Variants in DCDC2C observed in about 807,000 individuals in gnomAD.
DCDC2C encodes doublecortin domain-containing protein 2C.
DCDC2C carries 44 observed loss-of-function variants against 45.0 expected under a neutral mutation model. The ratio of observed to expected loss-of-function variants is 0.98; its 90% CI spans 0.77 to 1.26. DCDC2C has a LOEUF of 1.26. Ranked by LOEUF, DCDC2C falls within the 50% of genes most tolerant of loss-of-function variation. DCDC2C has a pLI of 0.00. For missense variants in DCDC2C, 447 were observed against 468.9 expected (o/e 0.95, Z 0.43); for synonymous variants, 187 against 178.8 (o/e 1.05, Z -0.37).
intron 6 of DCDC2C, among the ~76,000 whole-genome samples, chr2:3,755,587 A>T (rs187839612): frequency 6.6e-6 from 1 of 151,916 alleles, no homozygotes; most frequent in Admixed American, 6.5e-5. Context: ...GTACATATGG[A>T]TGTATATGTG....
At chr2:3,705,388 T>C (rs1668040447) in intron 1 of DCDC2C, among the ~76,000 whole-genome samples, 1 of 152,218 alleles carries the variant, frequency 6.6e-6, no homozygotes, top group Non-Finnish European at 1.5e-5. Flanking sequence ...AGCCATGTGA[T>C]TTGTGATTAT....
chr2:3,798,774 C>T (rs2148199065), intron 10 of DCDC2C, among the ~76,000 whole-genome samples: 1 of 152,136 alleles, frequency 6.6e-6, no homozygotes, highest in African/African-American at 2.4e-5. Context: ...TTGAGGGTAA[C>T]CCGACCTTTC....
chr2:3,746,294 G>A (rs77393840), intron 4 of DCDC2C, among the ~76,000 whole-genome samples: 7,799 of 152,252 alleles, frequency 0.051, 219 homozygotes, highest in East Asian at 0.087. Flanking sequence ...CGGAGGAGCT[G>A]GGGCAGGAGG....
Position 3,847,778 on chromosome 2 carries a change from C to CCCCCTTGCTGTTCTCGTGATT in DCDC2C, c.*615_*616insTCCCCTTGCTGTTCTCGTGAT. Among the ~76,000 whole-genome samples, 1 of 152,082 alleles carries CCCCCTTGCTGTTCTCGTGATT rather than the reference C, an allele frequency of 6.6e-6. No individual in the cohort carries two copies. Among genetic ancestry groups the CCCCCTTGCTGTTCTCGTGATT allele is most frequent in the Non-Finnish European group, 1.5e-5 (1 of 68,018 alleles). On this transcript the variant is annotated 3_prime_UTR_variant, in exon 11 of 11. Coordinates refer to ENST00000399143, the MANE Select transcript of DCDC2C (RefSeq NM_001287444.2). ...GTGATTGAATCATGGGGGTGGTCTT[C>CCCCCTTGCTGTTCTCGTGATT]CCCCTTGCTGTTCTCGTGATAGTGA... is the stretch of plus-strand genomic sequence containing the variant.
chr2:3,824,923 G>C (rs964795657), intron 10 of DCDC2C, among the ~76,000 whole-genome samples: 5 of 152,148 alleles, frequency 3.3e-5, no homozygotes, highest in Admixed American at 3.3e-4. Context: ...TCTGGACCCA[G>C]AATGATTTCT....
intron 6 of DCDC2C, among the ~76,000 whole-genome samples, chr2:3,757,521 A>G (rs1339214170): frequency 1.3e-5 from 2 of 152,238 alleles, no homozygotes; most frequent in Admixed American, 6.5e-5. Flanking sequence ...CAATGAACAT[A>G]TCACAAACAT....
chr2:3,754,125 C>G (rs1339650177), intron 5 of DCDC2C, among the ~76,000 whole-genome samples: 1 of 152,120 alleles, frequency 6.6e-6, no homozygotes, highest in South Asian at 2.1e-4. Flanking sequence ...TTCCCCTTGC[C>G]GAAGTTGTTG....
At chr2:3,708,474 C>T (rs765766280) in intron 1 of DCDC2C, 75 bp from the exon 2 acceptor site, 28 of 1,185,340 alleles carry the variant, frequency 2.4e-5, no homozygotes, top group African/African-American at 3.1e-5. Flanking sequence ...GAAAAGGACT[C>T]GTTTCTAAGG....
chr2:3,725,524 A>AGAG (rs1668633063), intron 2 of DCDC2C, among the ~76,000 whole-genome samples: 1 of 78,736 alleles, frequency 1.3e-5, no homozygotes. Flanking sequence ...TGGATCCCAG[A>AGAG]GGAAGACGAG....
intron 10 of DCDC2C, among the ~76,000 whole-genome samples, chr2:3,791,180 G>A (rs1437243765): frequency 6.6e-6 from 1 of 152,150 alleles, no homozygotes; most frequent in African/African-American, 2.4e-5. Flanking sequence ...GATTCATTTG[G>A]ACTCAAATAA....
chr2:3,792,985 G>A (rs1051998786), intron 10 of DCDC2C, among the ~76,000 whole-genome samples: 7 of 152,122 alleles, frequency 4.6e-5, no homozygotes, highest in South Asian at 4.1e-4. Flanking sequence ...ACTGAGATTC[G>A]CCGTTCAGAG....
rs1317413096 is a variant in DCDC2C at position 3,761,949 on chromosome 2, G to A, written c.727-5805G>A. Among the ~76,000 whole-genome samples, 2 of 152,160 alleles carry A rather than the reference G, an allele frequency of 1.3e-5. No homozygotes were observed. Among genetic ancestry groups the A allele is most frequent in the South Asian group, 2.1e-4 (1 of 4,834 alleles). On this transcript the variant is annotated intron_variant, in intron 6 of 10. Coordinates refer to ENST00000399143, the MANE Select transcript of DCDC2C (RefSeq NM_001287444.2). The surrounding 1 kb of genome is among the most constrained non-coding windows in gnomAD (Gnocchi z 4.3). ...CTGCAGAGAAATAAAACCAACATAC[G>A]TGAGGTTCATTTTCTGAAAACATTT... is the stretch of plus-strand genomic sequence containing the variant.
At chr2:3,826,096 G>A (rs963792918) in intron 10 of DCDC2C, among the ~76,000 whole-genome samples, 1 of 152,178 alleles carries the variant, frequency 6.6e-6, no homozygotes, top group African/African-American at 2.4e-5. Context: ...TATATATTCT[G>A]TAATAACCCA....
At chr2:3,723,961 C>T (rs1415521179) in intron 2 of DCDC2C, among the ~76,000 whole-genome samples, 1 of 145,674 alleles carries the variant, frequency 6.9e-6, no homozygotes, top group Non-Finnish European at 1.5e-5. Flanking sequence ...CTCTGTCTCT[C>T]TGTGTGTTTC....
chr2:3,722,504 C>A (rs1366985541), intron 2 of DCDC2C, among the ~76,000 whole-genome samples: 1 of 152,150 alleles, frequency 6.6e-6, no homozygotes, highest in African/African-American at 2.4e-5. Flanking sequence ...GGGGGAGATA[C>A]ACCTGTGGTC....
chr2:3,785,849 G>A (rs1670637947), intron 10 of DCDC2C, among the ~76,000 whole-genome samples: 1 of 152,144 alleles, frequency 6.6e-6, no homozygotes, highest in African/African-American at 2.4e-5. Flanking sequence ...ACTGAAGCCA[G>A]CGTCTGCACA....
chr2:3,791,344 AAC>A (rs1670806126), intron 10 of DCDC2C, among the ~76,000 whole-genome samples: 1 of 152,084 alleles, frequency 6.6e-6, no homozygotes, highest in African/African-American at 2.4e-5. Context: ...TCATTAATCA[AAC>A]ACACGGTATT....
intron 9 of DCDC2C, among the ~76,000 whole-genome samples, chr2:3,781,388 G>C (rs906314217): frequency 1.3e-5 from 2 of 152,170 alleles, no homozygotes; most frequent in African/African-American, 4.8e-5. Flanking sequence ...CTCAAAGACC[G>C]GGATTGTGTC....
intron 7 of DCDC2C, 24 bp downstream of exon 7, chr2:3,767,904 G>A: frequency 6.9e-7 from 1 of 1,444,940 alleles, no homozygotes; most frequent in Non-Finnish European, 9.1e-7. Flanking sequence ...TCATTCTGCT[G>A]TAGGCAGTTC....
Sources: allele counts gnomAD v4.1 joint callset (sites outside exome capture counted in the v4.1 genomes callset), GRCh38; gene constraint gnomAD v4.1.1; non-coding constraint Gnocchi (gnomAD v3.1); transcripts MANE v1.5; gene names NCBI Gene and HGNC (gene_info 2026-07-23, HGNC 2026-07-21).